The following C12orf56 variants were observed in gnomAD, a reference collection of about 807,000 sequenced individuals.
C12orf56 encodes the protein uncharacterized protein C12orf56.
A neutral mutation model predicts 69.9 loss-of-function variants in C12orf56; 71 were observed. The ratio of observed to expected loss-of-function variants is 1.02; its 90% CI spans 0.84 to 1.24. The LOEUF is 1.24. Ranked by LOEUF, C12orf56 falls within the 50% of genes most tolerant of loss-of-function variation. The probability of loss-of-function intolerance (pLI) is 0.00; values close to 1 mark genes in which losing one functional copy is unlikely to be tolerated. For synonymous variants in C12orf56, 276 were observed against 274.1 expected (o/e 1.01, Z -0.07); for missense variants, 732 against 738.5 (o/e 0.99, Z 0.10).
chr12:64,278,413 A>T (rs1016327133), intron 8 of C12orf56, among the ~76,000 whole-genome samples: 2 of 152,072 alleles, frequency 1.3e-5, no homozygotes, highest in African/African-American at 2.4e-5. Flanking sequence ...TGCCTCAGCC[A>T]AGTAGCTGAG....
chr12:64,371,928 C>T (rs1449864848), intron 1 of C12orf56, among the ~76,000 whole-genome samples: 1 of 139,850 alleles, frequency 7.2e-6, no homozygotes, highest in Non-Finnish European at 1.5e-5. Flanking sequence ...TTTTTTTGCA[C>T]GCACCACCAC....
chr12:64,342,895 G>A (rs926519756), intron 2 of C12orf56, among the ~76,000 whole-genome samples: 5 of 152,326 alleles, frequency 3.3e-5, no homozygotes, highest in African/African-American at 1.2e-4. Context: ...ATCTGTGACT[G>A]ACAGCTCAAG....
chr12:64,301,327 G>T (rs555435526), intron 6 of C12orf56, among the ~76,000 whole-genome samples: 66 of 152,218 alleles, frequency 4.3e-4, no homozygotes, highest in African/African-American at 1.5e-3. Context: ...ACAAGATAAT[G>T]AAGGAATTCT....
At chr12:64,366,928 T>C (rs190102889) in intron 1 of C12orf56, among the ~76,000 whole-genome samples, 12,636 of 114,740 alleles carry the variant, frequency 0.11, 1,168 homozygotes, top group East Asian at 0.33. Flanking sequence ...ACAGTTTATA[T>C]ATTATATATA....
rs1285940869 is a variant in C12orf56, at chr12:64,352,967, T to C, written c.342A>G (p.Lys114=). The change falls in exon 2 of 13, where the codon AAA becomes AAG. Residue 114 remains lysine, a synonymous_variant. Transcript: ENST00000543942. The part of the protein sequence containing the change: ...RIIYSSTVLK[K]ECKKSNSVRK... ...TGACACTGTTTGACTTTTTACACTC[T>C]TTTTTCAAAACGGTTGAAGAATAGA... 3.1e-6 allele frequency: 5 copies of C among 1,613,384 alleles called. No homozygotes were observed. The highest frequency in any genetic ancestry group is 4.2e-6 in the Non-Finnish European group (5 of 1,179,684).
chr12:64,313,075 A>G (rs1472591597), intron 4 of C12orf56, among the ~76,000 whole-genome samples: 1 of 151,850 alleles, frequency 6.6e-6, no homozygotes, highest in Non-Finnish European at 1.5e-5. Flanking sequence ...CCTGGCTAAC[A>G]CTGTGAAACC....
At chr12:64,379,139 G>T (rs975782069) in intron 1 of C12orf56, among the ~76,000 whole-genome samples, 1 of 152,040 alleles carries the variant, frequency 6.6e-6, no homozygotes, top group Non-Finnish European at 1.5e-5. Flanking sequence ...AACCTCTGTT[G>T]TGTTGAAGCA....
intron 1 of C12orf56, among the ~76,000 whole-genome samples, chr12:64,373,594 A>C (rs186408791): frequency 5.1e-4 from 78 of 152,380 alleles, no homozygotes; most frequent in African/African-American, 1.7e-3. Context: ...TTCAGCTTCC[A>C]TGGTCCTTTC....
Position 64,265,753 on chromosome 12 carries a change from A to G in C12orf56, c.*1430T>C, listed in dbSNP as rs1284881972. 1.3e-5 allele frequency: 2 copies of G among 152,260 alleles called. No homozygotes were observed. The highest frequency in any genetic ancestry group is 2.4e-5 in the African/African-American group (1 of 41,470). 9.4% of individuals were successfully genotyped at this position (152,260 alleles called of 1,614,324 possible). A position where few individuals can be genotyped will look rare whatever the true frequency, so the allele number is the denominator to read the frequency against. On this transcript the variant is annotated 3_prime_UTR_variant, in exon 13 of 13. Coordinates refer to ENST00000543942, the MANE Select transcript of C12orf56 (RefSeq NM_001170633.2). Reference sequence around the variant, plus strand: ...TTCTCTGATCCTCCCTCAAGTCATAATAAGTTGAATGGAGAGTCCAGTTCC... The same window carrying G: ...TTCTCTGATCCTCCCTCAAGTCATAGTAAGTTGAATGGAGAGTCCAGTTCC...
intron 1 of C12orf56, among the ~76,000 whole-genome samples, chr12:64,361,141 C>G (rs1267363068): frequency 6.6e-6 from 1 of 152,128 alleles, no homozygotes; most frequent in Non-Finnish European, 1.5e-5. Context: ...ATCGCTTGAA[C>G]CCGGGAGGCA....
chr12:64,364,459 GCTGGCGTCTGAGTAA>G (rs748221126), intron 1 of C12orf56, among the ~76,000 whole-genome samples: 3 of 152,086 alleles, frequency 2.0e-5, no homozygotes, highest in Non-Finnish European at 2.9e-5. Context: ...CATTGGGGGT[GCTGGCGTCTGAGTAA>G]CTGAAGTCAC....
intron 1 of C12orf56, among the ~76,000 whole-genome samples, 164 bp from the exon 2 acceptor site, chr12:64,353,220 C>T (rs766723261): frequency 1.3e-5 from 2 of 151,928 alleles, no homozygotes; most frequent in African/African-American, 2.4e-5. Flanking sequence ...TGCAGTGGTG[C>T]GATCTCAACT....
At chr12:64,347,658 T>G (rs2039164763) in intron 2 of C12orf56, among the ~76,000 whole-genome samples, 1 of 152,114 alleles carries the variant, frequency 6.6e-6, no homozygotes, top group Non-Finnish European at 1.5e-5. Context: ...TAGTTATATA[T>G]GTGTTGAGTG....
At chr12:64,311,256 G>C (rs112850337) in intron 5 of C12orf56, among the ~76,000 whole-genome samples, 11 of 151,934 alleles carry the variant, frequency 7.2e-5, no homozygotes, top group Admixed American at 6.6e-4. Context: ...CCAACATGGT[G>C]AAACTCAGTC....
At chr12:64,302,007 C>T (rs2038452550) in intron 6 of C12orf56, among the ~76,000 whole-genome samples, 1 of 152,192 alleles carries the variant, frequency 6.6e-6, no homozygotes, top group South Asian at 2.1e-4. Context: ...TTTGAACAAG[C>T]AATCCCATAC....
chr12:64,303,354 T>G (rs2038471479), intron 6 of C12orf56, among the ~76,000 whole-genome samples: 1 of 148,010 alleles, frequency 6.8e-6, no homozygotes, highest in African/African-American at 2.5e-5. Context: ...CCAAAAATGT[T>G]CCTCCTAACA....
At chr12:64,386,084 C>A (rs1252481967) in intron 1 of C12orf56, among the ~76,000 whole-genome samples, 3 of 152,140 alleles carry the variant, frequency 2.0e-5, no homozygotes, top group Non-Finnish European at 4.4e-5. Flanking sequence ...CTTCTCCAGG[C>A]CCCCTACATT....
chr12:64,321,634 C>G (rs953146255), intron 3 of C12orf56, among the ~76,000 whole-genome samples: 1 of 151,946 alleles, frequency 6.6e-6, no homozygotes, highest in Non-Finnish European at 1.5e-5. Context: ...GCACCCTGCC[C>G]CAGCCTACAA....
intron 1 of C12orf56, among the ~76,000 whole-genome samples, chr12:64,372,703 G>A (rs950056921): frequency 2.0e-5 from 3 of 151,992 alleles, no homozygotes; most frequent in South Asian, 2.1e-4. Context: ...CAGTAGAGAC[G>A]AAGTTTCACC....
Sources: gnomAD v4.1 joint callset for allele counts (sites outside exome capture counted in the v4.1 genomes callset) on GRCh38, gnomAD v4.1.1 for gene constraint, MANE v1.5 for transcripts, NCBI Gene and HGNC (gene_info 2026-07-23, HGNC 2026-07-21) for gene names.